The following TMEM150B variants were observed in gnomAD, a reference collection of about 807,000 sequenced individuals.
TMEM150B encodes modulator of macroautophagy TMEM150B.
TMEM150B carries 33 observed loss-of-function variants against 25.2 expected under a neutral mutation model. The observed-to-expected ratio is 1.31, with a 90% CI of 0.99 to 1.75. The LOEUF is 1.75. Ranked by LOEUF, TMEM150B falls within the 40% of genes most tolerant of loss-of-function variation. The pLI is 0.00. For synonymous variants in TMEM150B, 133 were observed against 134.8 expected (o/e 0.99, Z 0.09); for missense variants, 322 against 306.1 (o/e 1.05, Z -0.39).
At chr19:55,310,790 C>T (rs528148474), downstream of TMEM150B, among the ~76,000 whole-genome samples, 2 of 152,094 alleles carry the variant, frequency 1.3e-5, no homozygotes, top group Non-Finnish European at 2.9e-5. The surrounding 1 kb of genome is among the most constrained non-coding windows in gnomAD (Gnocchi z 5.0). Flanking sequence ...CACTGGACCC[C>T]GTTGCCGAGG....
At chr19:55,323,053 C>G (rs1468334515) in intron 1 of TMEM150B, among the ~76,000 whole-genome samples, 1 of 152,140 alleles carries the variant, frequency 6.6e-6, no homozygotes, top group East Asian at 1.9e-4. Context: ...CCCTTAGACA[C>G]AGAAGTCCCA....
chr19:55,312,721 C>G (rs1015385253), downstream of TMEM150B: 4 of 1,014,082 alleles, frequency 3.9e-6, no homozygotes, highest in African/African-American at 3.3e-5. Flanking sequence ...ACAGGTCCTC[C>G]GGCTCCAGGT....
chr19:55,322,419 A>G (rs960827568), intron 2 of TMEM150B, among the ~76,000 whole-genome samples: 2 of 152,076 alleles, frequency 1.3e-5, no homozygotes, highest in African/African-American at 4.8e-5. Context: ...GGGAGGGCCC[A>G]GGTGCATGAG....
At chr19:55,320,272 C>T (rs2089162202) in intron 5 of TMEM150B, 106 bp from the exon 6 acceptor site, 2 of 1,518,522 alleles carry the variant, frequency 1.3e-6, no homozygotes, top group Admixed American at 2.1e-5. Context: ...TGGCAAACTC[C>T]CGGATTTTGG....
intron 2 of TMEM150B, among the ~76,000 whole-genome samples, 169 bp downstream of exon 2, chr19:55,322,479 G>T (rs1600233510): frequency 6.6e-6 from 1 of 152,190 alleles, no homozygotes; most frequent in East Asian, 1.9e-4. Context: ...CAGACGTCAC[G>T]GGTGGGGGTC....
At chr19:55,314,686 T>TG (rs11433324) in intron 7 of TMEM150B, among the ~76,000 whole-genome samples, 58,188 of 151,938 alleles carry the variant, frequency 0.38, 11,560 homozygotes, top group South Asian at 0.47. Flanking sequence ...TTAGAAGATC[T>TG]GGGCTGGATC....
downstream of TMEM150B, chr19:55,312,252 G>A (rs1428269120): frequency 2.5e-6 from 1 of 407,490 alleles, no homozygotes; most frequent in Non-Finnish European, 4.3e-6. Context: ...GGGGAACAGG[G>A]GGCGGGGGAG....
At chr19:55,310,684 C>T (rs1568991371), downstream of TMEM150B, among the ~76,000 whole-genome samples, 1 of 152,166 alleles carries the variant, frequency 6.6e-6, no homozygotes, top group African/African-American at 2.4e-5. The surrounding 1 kb of genome is among the most constrained non-coding windows in gnomAD (Gnocchi z 5.0). Flanking sequence ...CAGAACAGCC[C>T]CCCACGACAG....
intron 4 of TMEM150B, 43 bp downstream of exon 4, chr19:55,320,515 G>T: frequency 6.2e-7 from 1 of 1,612,480 alleles, no homozygotes; most frequent in Non-Finnish European, 8.5e-7. Flanking sequence ...CCACTTTCCT[G>T]CAGCGGCGAT....
Position 55,321,091 on chromosome 19 carries a change from C to A in TMEM150B, c.-55G>T. Reference sequence around the variant, plus strand: ...TGAGGCTGGACACCTGTCTCTCTCACACCTGAAGAACCAGCCCTCAAGGAG... The same window carrying A: ...TGAGGCTGGACACCTGTCTCTCTCAAACCTGAAGAACCAGCCCTCAAGGAG... On this transcript the variant is annotated splice_region_variant and 5_prime_UTR_variant, in exon 3 of 8. Transcript: ENST00000326652. 6.3e-7 allele frequency: 1 copy of A among 1,575,876 alleles called. No homozygotes were observed. Among genetic ancestry groups the A allele is most frequent in the Non-Finnish European group, 8.6e-7 (1 of 1,161,900 alleles).
chr19:55,320,531 C>G, intron 4 of TMEM150B, 27 bp downstream of exon 4: 1 of 1,613,800 alleles, frequency 6.2e-7, no homozygotes, highest in East Asian at 2.2e-5. Flanking sequence ...GCGATCCCCC[C>G]AAATCCCTAC....
At chr19:55,319,735 C>A (rs907636541) in intron 6 of TMEM150B, 77 of 1,164,788 alleles carry the variant, frequency 6.6e-5, no homozygotes, top group Non-Finnish European at 7.8e-5. Flanking sequence ...CAGGCATGAG[C>A]CACTGCGCCT....
chr19:55,310,085 C>G (rs567729890), downstream of TMEM150B, among the ~76,000 whole-genome samples: 1 of 152,350 alleles, frequency 6.6e-6, no homozygotes, highest in Admixed American at 6.5e-5. This position sits in a 1 kb window ranked among gnomAD's most constrained non-coding sequence, Gnocchi z 5.0. Context: ...AGCCGTGGTT[C>G]TCAACTAGGG....
chr19:55,318,027 G>A (rs1291515114), intron 6 of TMEM150B, among the ~76,000 whole-genome samples: 3 of 152,002 alleles, frequency 2.0e-5, no homozygotes, highest in Non-Finnish European at 2.9e-5. Context: ...GAACCAGGGG[G>A]AAATGTCTAA....
chr19:55,316,654 A>C, intron 7 of TMEM150B, 132 bp downstream of exon 7: 2 of 976,990 alleles, frequency 2.0e-6, no homozygotes, highest in Non-Finnish European at 1.4e-6. Context: ...CTCGATGACA[A>C]AGCCATAATC....
At chr19:55,312,090 G>A (rs2088813820), downstream of TMEM150B, 12 of 1,361,936 alleles carry the variant, frequency 8.8e-6, no homozygotes, top group African/African-American at 1.5e-5. Flanking sequence ...CGGGGAGGGA[G>A]GGGACCCCCC....
At position 55,321,051 on chromosome 19, in the gene TMEM150B, G is replaced by A. The variant is rs771223239; in HGVS notation, c.-15C>T. On this transcript the variant is annotated 5_prime_UTR_variant, in exon 3 of 8. Coordinates refer to ENST00000326652, the MANE Select transcript of TMEM150B (RefSeq NM_001282011.2). ...TAGCCCCACATGCCGGGCTCTGCAG[G>A]TGAAGGATCGGGGCTGAGGCTGGAC... The A allele has an allele frequency of 1.2e-6, 2 of 1,611,862 alleles. No homozygotes were observed. Among genetic ancestry groups the A allele is most frequent in the South Asian group, 2.2e-5 (2 of 90,764 alleles).
At chr19:55,310,498 G>A (rs561291837), downstream of TMEM150B, among the ~76,000 whole-genome samples, 5 of 152,260 alleles carry the variant, frequency 3.3e-5, no homozygotes, top group East Asian at 1.9e-4. This position sits in a 1 kb window ranked among gnomAD's most constrained non-coding sequence, Gnocchi z 5.0. Flanking sequence ...ACAAGTTCTC[G>A]GTATTTGCAT....
At chr19:55,319,906 G>A in intron 6 of TMEM150B, 133 bp downstream of exon 6, 1 of 1,485,204 alleles carries the variant, frequency 6.7e-7, no homozygotes. Context: ...ACTGGCCAGA[G>A]AAAAATACAA....
Sources: gnomAD v4.1 joint callset for allele counts (sites outside exome capture counted in the v4.1 genomes callset) on GRCh38, gnomAD v4.1.1 for gene constraint, Gnocchi (gnomAD v3.1) non-coding constraint, MANE v1.5 for transcripts, NCBI Gene and HGNC (gene_info 2026-07-23, HGNC 2026-07-21) for gene names.